The following STON1 variants were observed in gnomAD, a reference collection of about 807,000 sequenced individuals.
STON1 encodes the protein stonin-1.
STON1 carries 79 observed loss-of-function variants against 60.9 expected under a neutral mutation model. The observed-to-expected ratio is 1.30, with a 90% CI of 1.08 to 1.56. The LOEUF (loss-of-function observed/expected upper bound fraction) is 1.56, where lower values mean the gene tolerates loss of function less well. STON1 is among the 40% of genes most tolerant of loss of function. The pLI is 0.00. For synonymous variants in STON1, 363 were observed against 306.9 expected (o/e 1.18, Z -1.91); for missense variants, 1,166 against 858.9 (o/e 1.36, Z -4.47).
intron 1 of STON1, among the ~76,000 whole-genome samples, chr2:48,557,041 C>G (rs1672396268): frequency 4.8e-5 from 5 of 103,316 alleles, no homozygotes; most frequent in African/African-American, 1.4e-4. Flanking sequence ...CCACCTCCCT[C>G]CCGGATGGGG....
At chr2:48,594,506 G>C (rs977868336) in intron 3 of STON1, among the ~76,000 whole-genome samples, 1 of 152,132 alleles carries the variant, frequency 6.6e-6, no homozygotes, top group Non-Finnish European at 1.5e-5. Flanking sequence ...GAGAGACAAA[G>C]TCCCTGTCCT....
At chr2:48,536,000 T>A (rs1237705533) in intron 1 of STON1, among the ~76,000 whole-genome samples, 1 of 152,016 alleles carries the variant, frequency 6.6e-6, no homozygotes, top group African/African-American at 2.4e-5. Context: ...GATGGGAGGA[T>A]CACTTGAGCT....
intron 1 of STON1, among the ~76,000 whole-genome samples, chr2:48,544,900 A>G (rs1671804164): frequency 6.6e-6 from 1 of 152,230 alleles, no homozygotes; most frequent in African/African-American, 2.4e-5. Context: ...TAATGTTAAC[A>G]CGAACGTAGA....
chr2:48,545,291 C>T (rs1166231181), intron 1 of STON1, among the ~76,000 whole-genome samples: 1 of 152,182 alleles, frequency 6.6e-6, no homozygotes, highest in Non-Finnish European at 1.5e-5. Context: ...GGCTTTATAA[C>T]ACATGTGATG....
rs576179819 is a variant in STON1 at position 48,582,903 on chromosome 2, A to T, written c.1930+340A>T. Among the ~76,000 whole-genome samples, 33 of 152,366 alleles carry T rather than the reference A, an allele frequency of 2.2e-4. No homozygotes were observed. In the South Asian group the frequency reaches 6.6e-3, roughly 31 times the overall value. ...TTCAAATGTTAAAAATATTTCTAAT[A>T]TAGCTGAGATTCCCTAATTAATCTC... On this transcript the variant is annotated intron_variant, in intron 2 of 3. Coordinates refer to ENST00000404752, the MANE Select transcript of STON1 (RefSeq NM_006873.4).
chr2:48,553,713 C>T lies in STON1; in HGVS notation c.-48+23497C>T, dbSNP rs112995282. 1.2e-3 allele frequency among the ~76,000 whole-genome samples: 181 copies of T among 152,236 alleles called. 1 individual carries two copies. Among genetic ancestry groups the T allele is most frequent in the African/African-American group, 4.2e-3 (173 of 41,534 alleles). ...ATGTTGGCCAGGCTGGTCTTGAACTCCTGATCTCAAGTGATGCACCTGCCT... is the reference window on the plus strand; with the variant it reads ...ATGTTGGCCAGGCTGGTCTTGAACTTCTGATCTCAAGTGATGCACCTGCCT... On this transcript the variant is annotated intron_variant, in intron 1 of 3. Coordinates refer to ENST00000404752, the MANE Select transcript of STON1 (RefSeq NM_006873.4).
In STON1 at chr2:48,564,483, CTTCTTCTTCTTCTT is replaced by C. The variant is rs1558604831; in HGVS notation, c.-47-16103_-47-16090del. On this transcript the variant is annotated intron_variant, in intron 1 of 3. Coordinates refer to ENST00000404752, the MANE Select transcript of STON1 (RefSeq NM_006873.4). ...CTTCTTCTTCTTCTTCTTCTTCTTTCTTCTTCTTCTTCTTCTTCTTCTTCTTCTTCTTCTTCTTC... is the reference window on the plus strand; with the variant it reads ...CTTCTTCTTCTTCTTCTTCTTCTTTCCTTCTTCTTCTTCTTCTTCTTCTTC... 5.3e-4 allele frequency among the ~76,000 whole-genome samples: 14 copies of C among 26,386 alleles called. 2 individuals are homozygous for C. The highest frequency in any genetic ancestry group is 7.4e-4 in the African/African-American group (5 of 6,752). 17.3% of individuals were successfully genotyped at this position (26,386 alleles called of 152,430 possible). A position where few individuals can be genotyped will look rare whatever the true frequency, so the allele number is the denominator to read the frequency against.
chr2:48,565,835 CTG>C (rs1672919168), intron 1 of STON1, among the ~76,000 whole-genome samples: 1 of 152,182 alleles, frequency 6.6e-6, no homozygotes, highest in South Asian at 2.1e-4. Context: ...GATGAGGAAA[CTG>C]TGGCTCAGTG....
At chr2:48,559,453 A>G (rs1374328292) in intron 1 of STON1, among the ~76,000 whole-genome samples, 3 of 152,150 alleles carry the variant, frequency 2.0e-5, no homozygotes, top group African/African-American at 4.8e-5. Flanking sequence ...TCTTTGATAA[A>G]GACACTAATT....
intron 1 of STON1, among the ~76,000 whole-genome samples, chr2:48,549,010 G>C (rs760263567): frequency 1.3e-5 from 2 of 152,146 alleles, no homozygotes; most frequent in Non-Finnish European, 2.9e-5. Context: ...CAGAGTCAAT[G>C]AGCCCGGAAC....
At chr2:48,564,411 T>C (rs1351328889) in intron 1 of STON1, among the ~76,000 whole-genome samples, 1 of 33,232 alleles carries the variant, frequency 3.0e-5, no homozygotes, top group Non-Finnish European at 6.5e-5. Context: ...CGGTGTCTTC[T>C]TCTTCTTCTT....
rs752866071 is a variant in STON1 at position 48,564,586 on chromosome 2, TC to T, written c.-47-15999del. On this transcript the variant is annotated intron_variant, in intron 1 of 3. Coordinates refer to ENST00000404752, the MANE Select transcript of STON1 (RefSeq NM_006873.4). ...CTTCTTCTCCTTCTCCTTCTCCTCCTCCTCCTCCTCCTCCTCCTTCTCCTTC... is the reference window on the plus strand; with the variant it reads ...CTTCTTCTCCTTCTCCTTCTCCTCCTCTCCTCCTCCTCCTCCTTCTCCTTC... Among the ~76,000 whole-genome samples the T allele has an allele frequency of 1.8e-4, 12 of 65,874 alleles. 1 individual carries two copies. Among genetic ancestry groups the T allele is most frequent in the African/African-American group, 5.6e-4 (11 of 19,494 alleles). The allele number at this position is 65,874 out of a possible 152,430, so 43.2% of individuals were successfully genotyped here. A position where few individuals can be genotyped will look rare whatever the true frequency, so the allele number is the denominator to read the frequency against.
At position 48,560,643 on chromosome 2, in the gene STON1, G is replaced by C. The variant is rs183521853; in HGVS notation, c.-47-19944G>C. 3.1e-3 allele frequency among the ~76,000 whole-genome samples: 465 copies of C among 152,302 alleles called. 3 individuals are homozygous for C. Among genetic ancestry groups the C allele is most frequent in the Non-Finnish European group, 3.9e-3 (264 of 68,014 alleles). The stretch of plus-strand genomic sequence containing the variant: ...CTCCTGAGAACAGAAGGTAGATAGG[G>C]TATGAAGAGGCAGCCGTTGCTAGGG... On this transcript the variant is annotated intron_variant, in intron 1 of 3. Coordinates refer to ENST00000404752, the MANE Select transcript of STON1 (RefSeq NM_006873.4).
At chr2:48,564,480 T>TTCC (rs1558604783) in intron 1 of STON1, among the ~76,000 whole-genome samples, 13 of 32,494 alleles carry the variant, frequency 4.0e-4, no homozygotes, top group South Asian at 1.4e-3. Context: ...CTTCTTCTTC[T>TTCC]TTCTTCTTCT....
chr2:48,547,434 G>A (rs1671905168), intron 1 of STON1, among the ~76,000 whole-genome samples: 1 of 152,214 alleles, frequency 6.6e-6, no homozygotes, highest in Admixed American at 6.5e-5. Flanking sequence ...AGTGAGGCAG[G>A]AGGCCACAAC....
intron 1 of STON1, among the ~76,000 whole-genome samples, chr2:48,550,245 C>A (rs1372157866): frequency 6.6e-6 from 1 of 151,970 alleles, no homozygotes; most frequent in Non-Finnish European, 1.5e-5. Context: ...TGCTTGTATT[C>A]CCAGCACTTT....
chr2:48,560,811 C>G (rs1672578394), intron 1 of STON1, among the ~76,000 whole-genome samples: 1 of 152,180 alleles, frequency 6.6e-6, no homozygotes, highest in Non-Finnish European at 1.5e-5. Context: ...GCTGGGCAAG[C>G]AGGCCACGTG....
chr2:48,533,435 T>A (rs1421623650), intron 1 of STON1, among the ~76,000 whole-genome samples: 1 of 151,316 alleles, frequency 6.6e-6, no homozygotes, highest in Non-Finnish European at 1.5e-5. Context: ...ATACCTGTAA[T>A]CCCAACATTT....
Position 48,538,199 on chromosome 2 carries a change from T to G in STON1, c.-48+7983T>G, listed in dbSNP as rs1439260162. 2.0e-5 allele frequency among the ~76,000 whole-genome samples: 3 copies of G among 152,004 alleles called. No individual in the cohort carries two copies. In the South Asian group the frequency reaches 6.2e-4, roughly 31 times the overall value. On this transcript the variant is annotated intron_variant, in intron 1 of 3. Coordinates refer to ENST00000404752, the MANE Select transcript of STON1 (RefSeq NM_006873.4). ...GTCTTGAACTCCTGCTCTCATGATA[T>G]CCCCTCCTCGGCCTCCCAAAGTGCT...
Sources: gnomAD v4.1 joint callset for allele counts (sites outside exome capture counted in the v4.1 genomes callset) on GRCh38, gnomAD v4.1.1 for gene constraint, MANE v1.5 for transcripts, NCBI Gene and HGNC (gene_info 2026-07-23, HGNC 2026-07-21) for gene names.